FAM149B1: variants seen among roughly 807,000 people sequenced by gnomAD.
The protein encoded by FAM149B1 is primary cilium assembly protein FAM149B1.
FAM149B1 carries 56 observed loss-of-function variants against 75.3 expected under a neutral mutation model. The ratio of observed to expected loss-of-function variants is 0.74; its 90% CI spans 0.60 to 0.93. FAM149B1 has a LOEUF of 0.93. Among genes scored for constraint, FAM149B1 ranks in the 40% least tolerant of loss-of-function variants. The pLI is 0.00. For synonymous variants in FAM149B1, 259 were observed against 256.1 expected (o/e 1.01, Z -0.11); for missense variants, 639 against 708.4 (o/e 0.90, Z 1.11).
At chr10:73,231,376 A>G (rs555923432) in intron 9 of FAM149B1, 13 of 152,168 alleles carry the variant, frequency 8.5e-5, no homozygotes, top group Non-Finnish European at 1.6e-4. Flanking sequence ...TAGCACAGGT[A>G]TATGTTTAGT....
rs1372620473 is a variant in FAM149B1 at position 73,239,373 on chromosome 10, G to A, written c.1664G>A (p.Arg555Lys). The change falls in exon 13 of 14, where the codon AGG (arginine) becomes AAG (lysine). Residue 555 changes from arginine (R) to lysine (K), a missense_variant. Coordinates refer to ENST00000242505, the MANE Select transcript of FAM149B1 (RefSeq NM_173348.2). ...VEYPHQARPG[R>K]GSAGPQLHGS... ...TATCCTCATCAGGCCCGACCTGGCA[G>A]GGGATCTGCAGGTAAAGGTGGGGCC... is the stretch of plus-strand genomic sequence containing the variant. 2 of 1,551,426 alleles carry A rather than the reference G, an allele frequency of 1.3e-6. No homozygotes were observed. The highest frequency in any genetic ancestry group is 4.9e-5 in the East Asian group (2 of 40,938).
intron 7 of FAM149B1, among the ~76,000 whole-genome samples, chr10:73,216,714 G>C (rs569930626): frequency 6.6e-6 from 1 of 152,172 alleles, no homozygotes; most frequent in Non-Finnish European, 1.5e-5. Context: ...TCCTCTACCA[G>C]GTGGCAGCTG....
intron 5 of FAM149B1, among the ~76,000 whole-genome samples, chr10:73,196,194 T>G (rs2042800549): frequency 6.6e-6 from 1 of 152,190 alleles, no homozygotes; most frequent in Non-Finnish European, 1.5e-5. Context: ...AGCTGAACTT[T>G]AAGGAGACTT....
At chr10:73,174,149 G>A (rs977622261) in intron 1 of FAM149B1, among the ~76,000 whole-genome samples, 1 of 152,142 alleles carries the variant, frequency 6.6e-6, no homozygotes, top group Non-Finnish European at 1.5e-5. Context: ...TTGTATGAAT[G>A]TAAGTTTTCA....
At chr10:73,205,981 A>AG (rs2043045448) in intron 5 of FAM149B1, among the ~76,000 whole-genome samples, 1 of 152,242 alleles carries the variant, frequency 6.6e-6, no homozygotes, top group African/African-American at 2.4e-5. Flanking sequence ...AGATGTTGAA[A>AG]GACTGGAGGG....
At chr10:73,230,564 G>A in intron 9 of FAM149B1, 39 bp downstream of exon 9, 1 of 1,130,984 alleles carries the variant, frequency 8.8e-7, no homozygotes, top group South Asian at 1.3e-5. Flanking sequence ...CAGTGTAAAA[G>A]GGAAACAGAG....
rs1351458341 is a variant in FAM149B1 at position 73,234,910 on chromosome 10, TG to T, written c.1447del (p.Val483Ter). The T allele has an allele frequency of 6.4e-7, 1 of 1,551,954 alleles. No homozygotes were observed. Among genetic ancestry groups the T allele is most frequent in the Non-Finnish European group, 8.7e-7 (1 of 1,147,072 alleles). ...PPIGTAEVEH[V>X]STVGPQRQMK... ...CTATTGGCACAGCTGAAGTGGAACA[TG>T]TGAGCACTGTGGGGCCACAAAGACA... is the stretch of plus-strand genomic sequence containing the variant. On this transcript the variant is annotated frameshift_variant, in exon 11 of 14. Transcript: ENST00000242505. LOFTEE classifies it high-confidence loss of function.
rs187648662 is a variant in FAM149B1, at chr10:73,194,585, G to A, written c.542+992G>A. 1.4e-3 allele frequency among the ~76,000 whole-genome samples: 210 copies of A among 151,786 alleles called. 1 individual carries two copies. The highest frequency in any genetic ancestry group is 2.4e-3 in the Non-Finnish European group (161 of 67,926). ...TCACCATACTGGCCAGGCTGGTTTC[G>A]AACTCCTGACCTCATGATCCACCCG... On this transcript the variant is annotated intron_variant, in intron 5 of 13. Transcript: ENST00000242505.
chr10:73,199,886 C>A, intron 5 of FAM149B1: 1 of 180,422 alleles, frequency 5.5e-6, no homozygotes, highest in Non-Finnish European at 1.2e-5. Context: ...GAGAATGGAC[C>A]CTGATGGTGT....
At chr10:73,235,050 T>A in intron 11 of FAM149B1, 110 bp downstream of exon 11, 2 of 1,465,636 alleles carry the variant, frequency 1.4e-6, no homozygotes. Context: ...TTGTCAAAAG[T>A]ACAAACACAG....
chr10:73,235,109 A>G (rs2043793189), intron 11 of FAM149B1, 84 bp from the exon 12 acceptor site: 2 of 1,479,514 alleles, frequency 1.4e-6, no homozygotes, highest in Non-Finnish European at 1.8e-6. Context: ...CACTTACCAT[A>G]TCTGCCATGG....
rs2043975169 is a variant in FAM149B1, at chr10:73,243,395, T to A, written c.*2376T>A. ...ACCTAAGGACCTTTGAAGAGAAAAA[T>A]TCCATTATTTCTTTTCTTTCTTGAG... On this transcript the variant is annotated 3_prime_UTR_variant, in exon 14 of 14. Coordinates refer to ENST00000242505, the MANE Select transcript of FAM149B1 (RefSeq NM_173348.2). 6.2e-7 allele frequency: 1 copy of A among 1,613,234 alleles called. No homozygotes were observed. Among genetic ancestry groups the A allele is most frequent in the Non-Finnish European group, 8.5e-7 (1 of 1,179,820 alleles).
At position 73,230,595 on chromosome 10, in the gene FAM149B1, C is replaced by T. The variant is rs368299155; in HGVS notation, c.1127+70C>T. 1.4e-4 allele frequency: 119 copies of T among 879,058 alleles called. 1 individual carries two copies. In the East Asian group the frequency reaches 2.1e-3, roughly 15 times the overall value. The allele number at this position is 879,058 out of a possible 1,614,324, so 54.5% of individuals were successfully genotyped here. A position where few individuals can be genotyped will look rare whatever the true frequency, so the allele number is the denominator to read the frequency against. ...CAGAGGGAAAGCAAAATCAGTTTAT[C>T]AGTATGCATGTATTGAGTGCCAACC... On this transcript the variant is annotated intron_variant, in intron 9 of 13. Transcript: ENST00000242505.
chr10:73,189,408 A>G (rs564061815), intron 3 of FAM149B1, among the ~76,000 whole-genome samples: 2 of 150,418 alleles, frequency 1.3e-5, no homozygotes, highest in African/African-American at 2.4e-5. Flanking sequence ...AAATGAAAAC[A>G]TATGTGTAGA....
At chr10:73,207,015 A>G (rs940469794) in intron 5 of FAM149B1, among the ~76,000 whole-genome samples, 2 of 152,244 alleles carry the variant, frequency 1.3e-5, no homozygotes, top group Admixed American at 1.3e-4. Flanking sequence ...CAGAGGGCAA[A>G]GAGTGAAGGC....
rs530230127 is a variant in FAM149B1, at chr10:73,241,879, A to C, written c.*860A>C. 1.2e-4 allele frequency: 19 copies of C among 152,244 alleles called. No homozygotes were observed. Among genetic ancestry groups the C allele is most frequent in the Non-Finnish European group, 2.8e-4 (19 of 68,044 alleles). 9.4% of individuals were successfully genotyped at this position (152,244 alleles called of 1,614,324 possible). A position where few individuals can be genotyped will look rare whatever the true frequency, so the allele number is the denominator to read the frequency against. ...TTAATTCAGCATAAACATATCCTAT[A>C]AACAGCAGGAGAGGTTCAGCTTTCT... On this transcript the variant is annotated 3_prime_UTR_variant, in exon 14 of 14. Transcript: ENST00000242505.
intron 5 of FAM149B1, among the ~76,000 whole-genome samples, chr10:73,196,497 T>A (rs2042809512): frequency 6.6e-6 from 1 of 152,278 alleles, no homozygotes; most frequent in Non-Finnish European, 1.5e-5. Flanking sequence ...ATGAAGAAAA[T>A]GTGTCATTAA....
intron 5 of FAM149B1, among the ~76,000 whole-genome samples, chr10:73,193,890 C>T (rs1360178002): frequency 6.6e-6 from 1 of 152,110 alleles, no homozygotes; most frequent in Non-Finnish European, 1.5e-5. Flanking sequence ...GTTCTGGAGG[C>T]TGAGAAGTCC....
At chr10:73,181,730 C>G (rs1044313330) in intron 3 of FAM149B1, among the ~76,000 whole-genome samples, 1 of 152,116 alleles carries the variant, frequency 6.6e-6, no homozygotes, top group Non-Finnish European at 1.5e-5. Flanking sequence ...AGCTGTTAGG[C>G]GAAATCTTCT....
Sources: allele counts gnomAD v4.1 joint callset (sites outside exome capture counted in the v4.1 genomes callset), GRCh38; gene constraint gnomAD v4.1.1; transcripts MANE v1.5; gene names NCBI Gene and HGNC (gene_info 2026-07-23, HGNC 2026-07-21).